The following EFR3B variants were observed in gnomAD, a reference collection of about 807,000 sequenced individuals.
EFR3B encodes protein EFR3 homolog B.
In EFR3B, 64 loss-of-function variants were observed where a neutral mutation model predicts 104.7. That is an observed-to-expected ratio of 0.61 (90% confidence interval 0.50 to 0.75). The LOEUF (loss-of-function observed/expected upper bound fraction) is 0.75. Among genes scored for constraint, EFR3B ranks in the 30% least tolerant of loss-of-function variants. EFR3B has a pLI of 0.00. For synonymous variants in EFR3B, 385 were observed against 417.9 expected, an observed-to-expected ratio of 0.92 and a Z score of 0.96; for missense variants, 750 against 1,078.5, an observed-to-expected ratio of 0.70 and a Z score of 4.27.
chr2:25,074,625 T>C (rs1668586514), intron 1 of EFR3B, among the ~76,000 whole-genome samples: 1 of 151,912 alleles, frequency 6.6e-6, no homozygotes, highest in Non-Finnish European at 1.5e-5. Context: ...GCCAACTTTT[T>C]TTTTTTTTTG....
intron 5 of EFR3B, among the ~76,000 whole-genome samples, chr2:25,123,467 G>A (rs1179824396): frequency 6.6e-6 from 1 of 152,210 alleles, no homozygotes; most frequent in Non-Finnish European, 1.5e-5. Context: ...GGCATTGTCT[G>A]GGTTCCCCCA....
Position 25,157,232 on chromosome 2 carries a change from GT to G in EFR3B, c.*2896del, listed in dbSNP as rs533733044. The G allele has an allele frequency of 1.3e-5, 2 of 152,180 alleles. No homozygotes were observed. The highest frequency in any genetic ancestry group is 2.9e-5 in the Non-Finnish European group (2 of 68,034). 9.4% of individuals were successfully genotyped at this position (152,180 alleles called of 1,614,324 possible). On this transcript the variant is annotated 3_prime_UTR_variant, in exon 23 of 23. Coordinates refer to ENST00000403714, the MANE Select transcript of EFR3B (RefSeq NM_014971.2). Reference sequence around the variant, plus strand: ...ATTTTTTTTGAGTGCCCTCTTCTCAGTTTTGTTTAAACTTACACTCAGTAGA... The same window carrying G: ...ATTTTTTTTGAGTGCCCTCTTCTCAGTTTGTTTAAACTTACACTCAGTAGA...
At chr2:25,109,436 G>C (rs1669659139) in intron 4 of EFR3B, among the ~76,000 whole-genome samples, 1 of 152,196 alleles carries the variant, frequency 6.6e-6, no homozygotes, top group Non-Finnish European at 1.5e-5. Context: ...AATGTAAAAT[G>C]GTGCAGCGCC....
At chr2:25,053,590 G>C (rs1190870469) in intron 1 of EFR3B, among the ~76,000 whole-genome samples, 1 of 152,134 alleles carries the variant, frequency 6.6e-6, no homozygotes, top group African/African-American at 2.4e-5. Flanking sequence ...CTGCTCTTCT[G>C]ATGGTTTGGG....
intron 3 of EFR3B, 107 bp from the exon 4 acceptor site, chr2:25,103,530 C>A: frequency 7.0e-7 from 1 of 1,430,120 alleles, no homozygotes; most frequent in Non-Finnish European, 9.3e-7. Context: ...AGCCTCATTA[C>A]CCGGATGCTG....
chr2:25,095,113 A>G (rs1457862201), intron 3 of EFR3B, among the ~76,000 whole-genome samples: 2 of 152,180 alleles, frequency 1.3e-5, no homozygotes, highest in African/African-American at 4.8e-5. Flanking sequence ...TCTTAAATAC[A>G]GTCTACCTTC....
At chr2:25,098,211 C>A (rs938227393) in intron 3 of EFR3B, among the ~76,000 whole-genome samples, 1 of 152,058 alleles carries the variant, frequency 6.6e-6, no homozygotes, top group Non-Finnish European at 1.5e-5. Context: ...GTGGGCTGAC[C>A]AAATGCACTC....
At chr2:25,148,760 A>AGT (rs1670916301) in intron 19 of EFR3B, among the ~76,000 whole-genome samples, 1 of 150,172 alleles carries the variant, frequency 6.7e-6, no homozygotes, top group Non-Finnish European at 1.5e-5. Context: ...GTCTCTACTA[A>AGT]AAATACAAAA....
intron 16 of EFR3B, 69 bp from the exon 17 acceptor site, chr2:25,141,297 C>A (rs1670659668): frequency 1.3e-6 from 2 of 1,505,464 alleles, no homozygotes; most frequent in East Asian, 4.9e-5. Context: ...GGCATGGGAG[C>A]TCTTTCGTTG....
At chr2:25,045,848 G>A (rs140522568) in intron 1 of EFR3B, among the ~76,000 whole-genome samples, 2,797 of 152,058 alleles carry the variant, frequency 0.018, 43 homozygotes, top group Non-Finnish European at 0.028. Flanking sequence ...GGAGCATCCC[G>A]TTTCCCCGCT....
At chr2:25,068,584 C>T (rs1032413272) in intron 1 of EFR3B, among the ~76,000 whole-genome samples, 1 of 151,744 alleles carries the variant, frequency 6.6e-6, no homozygotes, top group African/African-American at 2.4e-5. Context: ...ATGAATAAAA[C>T]AAAGATTCAC....
intron 1 of EFR3B, among the ~76,000 whole-genome samples, chr2:25,047,907 TA>T (rs965141140): frequency 6.6e-6 from 1 of 152,182 alleles, no homozygotes; most frequent in African/African-American, 2.4e-5. Context: ...AGGAAAAATA[TA>T]AAAAATCATC....
At chr2:25,074,915 C>T (rs145788316) in intron 1 of EFR3B, among the ~76,000 whole-genome samples, 89 of 151,860 alleles carry the variant, frequency 5.9e-4, no homozygotes, top group African/African-American at 2.1e-3. Context: ...CCATGCCTGG[C>T]CTATCTGCCA....
chr2:25,157,659 T>C lies in EFR3B; in HGVS notation c.*3319T>C, dbSNP rs1413149428. The C allele has an allele frequency of 2.6e-5, 4 of 152,200 alleles. No homozygotes were observed. The East Asian group carries it at 7.7e-4, about 29-fold the overall frequency. The allele number at this position is 152,200 out of a possible 1,614,324, so 9.4% of individuals were successfully genotyped here. A position where few individuals can be genotyped will look rare whatever the true frequency, so the allele number is the denominator to read the frequency against. On this transcript the variant is annotated 3_prime_UTR_variant, in exon 23 of 23. Transcript: ENST00000403714. ...TGAGTAGGCAGGAATGTATTTGAGA[T>C]TTGGAAGTACTGTTAATTTGGTGGA...
At chr2:25,059,010 T>C (rs559399908) in intron 1 of EFR3B, among the ~76,000 whole-genome samples, 1 of 152,256 alleles carries the variant, frequency 6.6e-6, no homozygotes, top group East Asian at 1.9e-4. Context: ...ACAGCAGCAT[T>C]ATTCACAATG....
intron 20 of EFR3B, 121 bp downstream of exon 20, chr2:25,149,863 G>A: frequency 1.1e-6 from 1 of 893,884 alleles, no homozygotes; most frequent in Non-Finnish European, 1.8e-6. Context: ...CTGCGTGAAG[G>A]GAGAGGCTGG....
chr2:25,060,826 CAGG>C (rs1291310666), intron 1 of EFR3B, among the ~76,000 whole-genome samples: 3 of 151,832 alleles, frequency 2.0e-5, no homozygotes, highest in Non-Finnish European at 4.4e-5. Context: ...GAGGCTGAGG[CAGG>C]AGAATGGTGT....
rs557047851 is a variant in EFR3B at position 25,100,501 on chromosome 2, T to C, written c.213-3136T>C. On this transcript the variant is annotated intron_variant, in intron 3 of 22. Coordinates refer to ENST00000403714, the MANE Select transcript of EFR3B (RefSeq NM_014971.2). The stretch of plus-strand genomic sequence containing the variant: ...TGCTTACTTTACCTCCCCTGTATTT[T>C]CTTTTTTTTGAGACGGAGTCTCACT... Among the ~76,000 whole-genome samples the C allele has an allele frequency of 6.6e-5, 10 of 152,284 alleles. No individual in the cohort carries two copies. The South Asian group carries it at 1.9e-3, about 28-fold the overall frequency.
chr2:25,131,284 C>T lies in EFR3B; in HGVS notation c.850-84C>T, dbSNP rs1003440647. On this transcript the variant is annotated intron_variant, in intron 8 of 22. Coordinates refer to ENST00000403714, the MANE Select transcript of EFR3B (RefSeq NM_014971.2). This position sits in a 1 kb window ranked among gnomAD's most constrained non-coding sequence, Gnocchi z 7.6. ...TTGGAACGTCCCTTTAGTTTACCCCCGCCTTTGGGTGCCAGGAGAGGGCTG... is the reference window on the plus strand; with the variant it reads ...TTGGAACGTCCCTTTAGTTTACCCCTGCCTTTGGGTGCCAGGAGAGGGCTG... 30 of 1,500,262 alleles carry T rather than the reference C, an allele frequency of 2.0e-5. No individual in the cohort carries two copies. The highest frequency in any genetic ancestry group is 4.2e-5 in the African/African-American group (3 of 71,988). The allele number at this position is 1,500,262 out of a possible 1,614,324, so 92.9% of individuals were successfully genotyped here.
Sources: allele counts gnomAD v4.1 joint callset (sites outside exome capture counted in the v4.1 genomes callset), GRCh38; gene constraint gnomAD v4.1.1; non-coding constraint Gnocchi (gnomAD v3.1); transcripts MANE v1.5; gene names NCBI Gene and HGNC (gene_info 2026-07-23, HGNC 2026-07-21).